Variants in DAB1 observed in about 807,000 individuals in gnomAD.
DAB1 encodes the protein disabled homolog 1.
DAB1 carries 15 observed loss-of-function variants against 64.6 expected under a neutral mutation model. The ratio of observed to expected loss-of-function variants is 0.23; its 90% CI spans 0.16 to 0.36. The LOEUF (loss-of-function observed/expected upper bound fraction) is 0.36. Ranked by LOEUF, DAB1 falls within the 10% of genes least tolerant of loss-of-function variation. DAB1 has a pLI of 1.00. For missense variants in DAB1, 596 were observed against 706.7 expected (o/e 0.84, Z 1.78); for synonymous variants, 235 against 251.9 (o/e 0.93, Z 0.64).
chr1:58,100,401 G>C (rs1284826155), intron 5 of DAB1, among the ~76,000 whole-genome samples: 1 of 152,048 alleles, frequency 6.6e-6, no homozygotes, highest in Non-Finnish European at 1.5e-5. Flanking sequence ...TCCTCTTTAA[G>C]GGGTGAATAA....
intron 4 of DAB1, among the ~76,000 whole-genome samples, chr1:58,192,277 T>C (rs1657428320): frequency 2.6e-5 from 4 of 152,180 alleles, no homozygotes. Flanking sequence ...TTATTTTTAA[T>C]TTTATATATT....
At chr1:57,878,193 C>CT (rs1557532484) in intron 1 of DAB1, 3 of 152,084 alleles carry the variant, frequency 2.0e-5, no homozygotes, top group Non-Finnish European at 2.9e-5. Context: ...TCAGTAAAAT[C>CT]TTTTTCTTAT....
intron 7 of DAB1, among the ~76,000 whole-genome samples, chr1:57,606,593 T>TGAAATATATAATATA (rs1491477833): frequency 1.2e-5 from 1 of 80,298 alleles, no homozygotes; most frequent in Non-Finnish European, 2.2e-5. Flanking sequence ...TATAATATAT[T>TGAAATATATAATATA]ATATATTATA....
chr1:57,653,544 G>A (rs1045115082), intron 6 of DAB1, among the ~76,000 whole-genome samples: 8 of 151,984 alleles, frequency 5.3e-5, no homozygotes, highest in African/African-American at 1.9e-4. Flanking sequence ...ATACTCCTTG[G>A]GTACCTATGT....
At chr1:58,321,980 G>C (rs1662695591) in intron 4 of DAB1, among the ~76,000 whole-genome samples, 1 of 152,256 alleles carries the variant, frequency 6.6e-6, no homozygotes, top group Non-Finnish European at 1.5e-5. Flanking sequence ...CCTGACCCCT[G>C]TGTAGCCTAA....
intron 6 of DAB1, among the ~76,000 whole-genome samples, chr1:57,817,611 G>A (rs1271692670): frequency 6.6e-6 from 1 of 152,172 alleles, no homozygotes; most frequent in African/African-American, 2.4e-5. Flanking sequence ...TCAATGTCAG[G>A]CAACACTGGC....
chr1:58,380,649 G>A (rs1241616316), intron 3 of DAB1, among the ~76,000 whole-genome samples: 1 of 152,192 alleles, frequency 6.6e-6, no homozygotes, highest in Non-Finnish European at 1.5e-5. Context: ...TAGGATTGGA[G>A]CAGATAGCTA....
intron 4 of DAB1, among the ~76,000 whole-genome samples, chr1:58,167,204 G>A (rs751677522): frequency 6.6e-6 from 1 of 152,202 alleles, no homozygotes; most frequent in African/African-American, 2.4e-5. Flanking sequence ...TGGGGACTTG[G>A]AAAACTTTTG....
chr1:57,781,126 C>CTCTCTCTCTCTCTA (rs1557477160), intron 6 of DAB1, among the ~76,000 whole-genome samples: 1 of 27,712 alleles, frequency 3.6e-5, no homozygotes, highest in Admixed American at 5.7e-4. Flanking sequence ...CTCTCTCTCT[C>CTCTCTCTCTCTCTA]TATATATATA....
In DAB1 at chr1:57,372,441, T is replaced by C. The variant is rs111695327; in HGVS notation, c.-137+51489A>G. 1.3e-3 allele frequency among the ~76,000 whole-genome samples: 199 copies of C among 152,254 alleles called. 2 individuals carry two copies. The highest frequency in any genetic ancestry group is 4.5e-3 in the African/African-American group (185 of 41,554). On this transcript the variant is annotated intron_variant, in intron 1 of 14. Coordinates refer to ENST00000371236, the MANE Select transcript of DAB1 (RefSeq NM_001365792.1). The stretch of plus-strand genomic sequence containing the variant: ...AACTCAGGCATCAGACAATCAATAT[T>C]CCAATTTGGAATTTAGCACTTTGGA...
At chr1:57,111,805 T>C (rs1317961488) in intron 4 of DAB1, among the ~76,000 whole-genome samples, 1 of 152,218 alleles carries the variant, frequency 6.6e-6, no homozygotes, top group African/African-American at 2.4e-5. Flanking sequence ...GCTGAATCCT[T>C]AGTGCTTATT....
intron 7 of DAB1, among the ~76,000 whole-genome samples, chr1:57,435,608 A>G (rs1685666136): frequency 6.6e-6 from 1 of 152,184 alleles, no homozygotes; most frequent in Non-Finnish European, 1.5e-5. Context: ...CTAGGCCTAC[A>G]CAGGGCCCAG....
intron 5 of DAB1, among the ~76,000 whole-genome samples, chr1:58,109,989 G>T (rs1288019126): frequency 1.3e-5 from 2 of 152,348 alleles, no homozygotes; most frequent in South Asian, 2.1e-4. Flanking sequence ...ACCTGGTCAT[G>T]GTTGATTGGT....
intron 7 of DAB1, among the ~76,000 whole-genome samples, chr1:57,552,938 G>A (rs1172183803): frequency 3.3e-5 from 5 of 152,066 alleles, no homozygotes; most frequent in Non-Finnish European, 4.4e-5. Flanking sequence ...GACACATTTG[G>A]GATATATTAA....
At chr1:57,642,344 C>T (rs1002495586) in intron 7 of DAB1, among the ~76,000 whole-genome samples, 1 of 152,136 alleles carries the variant, frequency 6.6e-6, no homozygotes, top group Non-Finnish European at 1.5e-5. Flanking sequence ...GATTCCCTAG[C>T]CCTTAGGTGC....
In DAB1 at chr1:57,730,474, C is replaced by G. The variant is rs147612248; in HGVS notation, n.552-80809G>C. Among the ~76,000 whole-genome samples, 7 of 152,314 alleles carry G rather than the reference C, an allele frequency of 4.6e-5. No homozygotes were observed. In the East Asian group the frequency reaches 1.2e-3, roughly 25 times the overall value. ...TCAGAGCGAAGAGGGCAAGAGAACT[C>G]TTCCTTTTTTCTCTAATTCAAACCA... On this transcript the variant is annotated intron_variant and non_coding_transcript_variant, in intron 6 of 20. Transcript: ENST00000485760.
At chr1:57,974,283 T>C (rs1645867019) in intron 5 of DAB1, among the ~76,000 whole-genome samples, 1 of 152,118 alleles carries the variant, frequency 6.6e-6, no homozygotes, top group Non-Finnish European at 1.5e-5. Context: ...ATTTTCTTTG[T>C]TTAACAATGA....
intron 1 of DAB1, among the ~76,000 whole-genome samples, chr1:57,403,801 C>A (rs79288842): frequency 1.8e-4 from 27 of 152,130 alleles, no homozygotes; most frequent in Admixed American, 1.8e-3. Flanking sequence ...ATTACCTACA[C>A]GGGGCCATTT....
At chr1:57,717,551 A>G (rs1272282947) in intron 6 of DAB1, among the ~76,000 whole-genome samples, 1 of 152,204 alleles carries the variant, frequency 6.6e-6, no homozygotes, top group African/African-American at 2.4e-5. Context: ...TATATGATCC[A>G]GCAGTTCCAC....
Sources: allele counts gnomAD v4.1 joint callset (sites outside exome capture counted in the v4.1 genomes callset), GRCh38; gene constraint gnomAD v4.1.1; transcripts MANE v1.5; gene names NCBI Gene and HGNC (gene_info 2026-07-23, HGNC 2026-07-21).